DZIP3: variants seen among roughly 807,000 people sequenced by gnomAD.
DZIP3 encodes DAZ interacting zinc finger protein 3.
In DZIP3, 118 loss-of-function variants were observed where a neutral mutation model predicts 162.0. The observed-to-expected ratio is 0.73, with a 90% CI of 0.63 to 0.85. The LOEUF is 0.85. Ranked by LOEUF, DZIP3 falls within the 40% of genes least tolerant of loss-of-function variation. The pLI is 0.00. For synonymous variants in DZIP3, 438 were observed against 458.6 expected, an observed-to-expected ratio of 0.96 and a Z score of 0.57; for missense variants, 1,331 against 1,407.0, an observed-to-expected ratio of 0.95 and a Z score of 0.86.
chr3:108,645,563 A>G (rs1290850154), intron 14 of DZIP3, among the ~76,000 whole-genome samples: 1 of 152,186 alleles, frequency 6.6e-6, no homozygotes, highest in African/African-American at 2.4e-5. Context: ...TGGAAAGCAG[A>G]GTTCAAGGCA....
chr3:108,651,437 A>T (rs906372873), intron 18 of DZIP3, among the ~76,000 whole-genome samples: 4 of 151,672 alleles, frequency 2.6e-5, no homozygotes, highest in Non-Finnish European at 5.9e-5. Context: ...TATAGTCTAC[A>T]TTGTAGTTAC....
intron 27 of DZIP3, 127 bp from the exon 28 acceptor site, chr3:108,686,318 A>G (rs1944496179): frequency 1.1e-6 from 1 of 875,576 alleles, no homozygotes; most frequent in Non-Finnish European, 1.6e-6. Flanking sequence ...AGAAATATTA[A>G]GAGAAAAACT....
intron 27 of DZIP3, 116 bp downstream of exon 27, chr3:108,684,457 T>C: frequency 7.8e-7 from 1 of 1,282,878 alleles, no homozygotes; most frequent in Non-Finnish European, 1.1e-6. Context: ...ATGGGGGTGG[T>C]GGTGATAATT....
intron 7 of DZIP3, among the ~76,000 whole-genome samples, chr3:108,627,136 C>A (rs1178735628): frequency 1.3e-5 from 2 of 152,182 alleles, no homozygotes; most frequent in African/African-American, 2.4e-5. Flanking sequence ...TGATCCAAAT[C>A]CCTTCAGTCT....
At chr3:108,612,966 A>G (rs543140242) in intron 4 of DZIP3, among the ~76,000 whole-genome samples, 2 of 152,246 alleles carry the variant, frequency 1.3e-5, no homozygotes, top group Middle Eastern at 3.4e-3. Context: ...AACCACTTAC[A>G]TGAGAATATC....
At chr3:108,640,680 G>A (rs556626584) in intron 12 of DZIP3, among the ~76,000 whole-genome samples, 1 of 152,014 alleles carries the variant, frequency 6.6e-6, no homozygotes, top group Non-Finnish European at 1.5e-5. Flanking sequence ...TTCTGACCTC[G>A]TGATCCACCC....
At chr3:108,600,506 C>T (rs1319823385) in intron 1 of DZIP3, among the ~76,000 whole-genome samples, 1 of 152,108 alleles carries the variant, frequency 6.6e-6, no homozygotes, top group Admixed American at 6.5e-5. Context: ...AGTGTGCACA[C>T]ATTATGTTGT....
intron 17 of DZIP3, 143 bp downstream of exon 17, chr3:108,649,105 G>A: frequency 1.0e-5 from 4 of 386,470 alleles, no homozygotes; most frequent in Non-Finnish European, 1.7e-5. Flanking sequence ...TTATAGAGAA[G>A]TCTACATATG....
chr3:108,624,528 T>G lies in DZIP3; in HGVS notation c.456+4T>G. The G allele has an allele frequency of 6.6e-7, 1 of 1,513,916 alleles. No individual in the cohort carries two copies. The highest frequency in any genetic ancestry group is 9.1e-7 in the Non-Finnish European group (1 of 1,104,408). 93.8% of individuals were successfully genotyped at this position (1,513,916 alleles called of 1,614,324 possible). A position where few individuals can be genotyped will look rare whatever the true frequency, so the allele number is the denominator to read the frequency against. ...CACTGAAAGAGGAAAGAAAGAGGTATGTAACATGTTATTTGCCCTTTATAA... is the reference window on the plus strand; with the variant it reads ...CACTGAAAGAGGAAAGAAAGAGGTAGGTAACATGTTATTTGCCCTTTATAA... On this transcript the variant is annotated splice_donor_region_variant and intron_variant, in intron 6 of 32. Transcript: ENST00000361582.
Position 108,651,257 on chromosome 3 carries a change from T to A in DZIP3, c.2033+95T>A, listed in dbSNP as rs529746197. On this transcript the variant is annotated intron_variant, in intron 18 of 32. Transcript: ENST00000361582. ...CAGGCTTCCTTCCTTTGGGAAGTTT[T>A]CTCACTAAGAGAAGAAGGATAGTTC... 3.7e-5 allele frequency: 15 copies of A among 404,044 alleles called. No individual in the cohort carries two copies. The South Asian group carries it at 8.3e-4, about 22-fold the overall frequency. The allele number at this position is 404,044 out of a possible 1,614,324, so 25.0% of individuals were successfully genotyped here.
intron 8 of DZIP3, among the ~76,000 whole-genome samples, chr3:108,629,778 G>A (rs943606985): frequency 3.3e-5 from 5 of 151,024 alleles, no homozygotes; most frequent in African/African-American, 1.2e-4. Context: ...ATTATACAAT[G>A]CGATTTTGGC....
At chr3:108,616,425 T>TCTTTATC in intron 4 of DZIP3, 116 bp from the exon 5 acceptor site, 1 of 672,280 alleles carries the variant, frequency 1.5e-6, no homozygotes, top group South Asian at 2.3e-5. Flanking sequence ...TTTTAAACCG[T>TCTTTATC]CTTTATCTCT....
At chr3:108,601,614 G>A (rs1019578211) in intron 1 of DZIP3, among the ~76,000 whole-genome samples, 1 of 152,100 alleles carries the variant, frequency 6.6e-6, no homozygotes, top group Admixed American at 6.6e-5. Context: ...GGAAATTCAC[G>A]GGACATCCAC....
At position 108,669,902 on chromosome 3, in the gene DZIP3, G is replaced by A. The variant is rs777242232; in HGVS notation, c.2492+153G>A. On this transcript the variant is annotated intron_variant, in intron 22 of 32. Transcript: ENST00000361582. ...TACTAATAATACACTGGGACAAAAGGTGTAAACTGGGAGTATCTTAGGCAA... is the reference window on the plus strand; with the variant it reads ...TACTAATAATACACTGGGACAAAAGATGTAAACTGGGAGTATCTTAGGCAA... Among the ~76,000 whole-genome samples the A allele has an allele frequency of 2.6e-4, 40 of 151,980 alleles. 1 individual carries two copies. Among genetic ancestry groups the A allele is most frequent in the Admixed American group, 8.5e-4 (13 of 15,216 alleles).
intron 12 of DZIP3, among the ~76,000 whole-genome samples, chr3:108,640,431 A>T (rs376465333): frequency 5.4e-3 from 234 of 43,052 alleles, no homozygotes; most frequent in Non-Finnish European, 6.1e-3. Context: ...TGACTCCTTT[A>T]TTCTTATTTA....
intron 3 of DZIP3, among the ~76,000 whole-genome samples, chr3:108,610,878 A>G (rs1451017313): frequency 1.3e-5 from 2 of 152,214 alleles, no homozygotes; most frequent in Non-Finnish European, 2.9e-5. Flanking sequence ...ACTATTAACA[A>G]CTATTCATTT....
At chr3:108,679,317 C>T (rs1361651059) in intron 26 of DZIP3, among the ~76,000 whole-genome samples, 2 of 152,104 alleles carry the variant, frequency 1.3e-5, no homozygotes, top group African/African-American at 4.8e-5. Flanking sequence ...CAAACATAGT[C>T]AAACCTTGAC....
intron 25 of DZIP3, among the ~76,000 whole-genome samples, chr3:108,676,972 G>A (rs1944133161): frequency 6.6e-6 from 1 of 152,082 alleles, no homozygotes; most frequent in Admixed American, 6.6e-5. Flanking sequence ...GAATCCAAGA[G>A]AATAAAATGT....
chr3:108,647,350 T>A (rs1223171688), intron 15 of DZIP3, among the ~76,000 whole-genome samples: 2 of 152,112 alleles, frequency 1.3e-5, no homozygotes, highest in Non-Finnish European at 2.9e-5. Flanking sequence ...TAATTAATAT[T>A]ATTCAATTAA....
Sources: allele counts gnomAD v4.1 joint callset (sites outside exome capture counted in the v4.1 genomes callset), GRCh38; gene constraint gnomAD v4.1.1; transcripts MANE v1.5; gene names NCBI Gene and HGNC (gene_info 2026-07-23, HGNC 2026-07-21).